SPRR2F: variants seen among roughly 807,000 people sequenced by gnomAD.
SPRR2F encodes the protein small proline rich protein 2F.
Under a neutral mutation model 0.8 loss-of-function variants are expected in SPRR2F, and 2 were observed. That is an observed-to-expected ratio of 2.52 (90% confidence interval 1.03 to 7.95). The LOEUF is 7.95. SPRR2F is among the 30% of genes most tolerant of loss of function. The pLI is 0.04. For missense variants in SPRR2F, 80 were observed against 85.8 expected (o/e 0.93, Z 0.27); for synonymous variants, 39 against 33.4 (o/e 1.17, Z -0.58).
Position 153,112,210 on chromosome 1 carries a change from A to T in SPRR2F, c.*305T>A, listed in dbSNP as rs1404677940. On this transcript the variant is annotated 3_prime_UTR_variant, in exon 2 of 2. Coordinates refer to ENST00000468739, the MANE Select transcript of SPRR2F (RefSeq NM_001014450.3). ...TCATGCCCAGGGGACAGACAGACACAGAAAACATCAACAGAATTCTCTAAT... is the reference window on the plus strand; with the variant it reads ...TCATGCCCAGGGGACAGACAGACACTGAAAACATCAACAGAATTCTCTAAT... The T allele has an allele frequency of 4.4e-6, 2 of 454,382 alleles. No homozygotes were observed. The highest frequency in any genetic ancestry group is 4.0e-5 in the African/African-American group (2 of 50,364). The allele number at this position is 454,382 out of a possible 1,614,324, so 28.1% of individuals were successfully genotyped here.
intron 1 of SPRR2F, 21 bp from the exon 2 acceptor site, chr1:153,112,773 G>C: frequency 3.1e-6 from 5 of 1,609,492 alleles, no homozygotes; most frequent in Non-Finnish European, 4.2e-6. Flanking sequence ...TTATATGACA[G>C]TGTTCACGGG....
At chr1:153,115,961 A>G (rs1476143769), upstream of SPRR2F, among the ~76,000 whole-genome samples, 2 of 152,206 alleles carry the variant, frequency 1.3e-5, no homozygotes, top group Non-Finnish European at 2.9e-5. Flanking sequence ...TCTTGATTCA[A>G]CTTCTATCTC....
chr1:153,118,775 T>C, the SPRR2F span, among the ~76,000 whole-genome samples: 1 of 152,138 alleles, frequency 6.6e-6, no homozygotes, highest in Non-Finnish European at 1.5e-5. Flanking sequence ...TGTATGTAGA[T>C]ATAAAGGTCT....
chr1:153,119,454 C>T, the SPRR2F span, among the ~76,000 whole-genome samples: 1 of 152,152 alleles, frequency 6.6e-6, no homozygotes, highest in African/African-American at 2.4e-5. Context: ...AGAAGATTAA[C>T]GTCAGAAGAT....
intron 1 of SPRR2F, among the ~76,000 whole-genome samples, chr1:153,113,058 G>A (rs1655637690): frequency 6.6e-6 from 1 of 152,044 alleles, no homozygotes; most frequent in Non-Finnish European, 1.5e-5. Context: ...CAGATACCCA[G>A]GGCTATCTCA....
At chr1:153,117,768 C>T (rs112772794), upstream of SPRR2F, among the ~76,000 whole-genome samples, 1 of 152,008 alleles carries the variant, frequency 6.6e-6, no homozygotes, top group African/African-American at 2.4e-5. Context: ...TGACACTTCT[C>T]CTCTTAAGAA....
rs2101630876 is a variant in SPRR2F, at chr1:153,112,408, C to A, written c.*107G>T. 1.3e-6 allele frequency: 2 copies of A among 1,510,316 alleles called. No homozygotes were observed. The highest frequency in any genetic ancestry group is 1.4e-5 in the African/African-American group (1 of 71,804). The allele number at this position is 1,510,316 out of a possible 1,614,324, so 93.6% of individuals were successfully genotyped here. A position where few individuals can be genotyped will look rare whatever the true frequency, so the allele number is the denominator to read the frequency against. On this transcript the variant is annotated 3_prime_UTR_variant, in exon 2 of 2. Coordinates refer to ENST00000468739, the MANE Select transcript of SPRR2F (RefSeq NM_001014450.3). ...ATCACAGGCTAAGAGGAAAGAAGCT[C>A]CCTGTGTATCCCTGGATGGCTTTGA...
chr1:153,114,298 A>G (rs555024374), upstream of SPRR2F, among the ~76,000 whole-genome samples: 7 of 152,074 alleles, frequency 4.6e-5, no homozygotes, highest in Non-Finnish European at 1.0e-4. Flanking sequence ...CAGTCTCCCC[A>G]GCACATTTGC....
chr1:153,116,983 T>A (rs1315217616), upstream of SPRR2F, among the ~76,000 whole-genome samples: 1 of 152,118 alleles, frequency 6.6e-6, no homozygotes, highest in Non-Finnish European at 1.5e-5. Context: ...CATTATGTAC[T>A]TAGACTTATG....
upstream of SPRR2F, among the ~76,000 whole-genome samples, chr1:153,116,802 G>A (rs1247915876): frequency 6.6e-6 from 1 of 151,978 alleles, no homozygotes; most frequent in Non-Finnish European, 1.5e-5. Context: ...CTATCTGAGA[G>A]CCAGAAAGAC....
At chr1:153,113,049 A>C (rs925418849) in intron 1 of SPRR2F, among the ~76,000 whole-genome samples, 5 of 152,158 alleles carry the variant, frequency 3.3e-5, no homozygotes, top group African/African-American at 1.2e-4. Context: ...TCACAAGTTC[A>C]GATACCCAGG....
chr1:153,119,092 A>G, the SPRR2F span, among the ~76,000 whole-genome samples: 2 of 152,224 alleles, frequency 1.3e-5, no homozygotes, highest in African/African-American at 2.4e-5. Context: ...AAATATCTAT[A>G]GAACATATAC....
chr1:153,119,426 T>C, the SPRR2F span, among the ~76,000 whole-genome samples: 2 of 152,222 alleles, frequency 1.3e-5, no homozygotes, highest in Non-Finnish European at 2.9e-5. Context: ...GGAGGATTTA[T>C]TGAATGCACT....
chr1:153,115,394 A>T (rs920556422), upstream of SPRR2F, among the ~76,000 whole-genome samples: 1 of 152,170 alleles, frequency 6.6e-6, no homozygotes, highest in African/African-American at 2.4e-5. Flanking sequence ...GCCAAATGAG[A>T]TCACTGTGTA....
upstream of SPRR2F, among the ~76,000 whole-genome samples, chr1:153,114,841 C>A (rs1571009787): frequency 6.6e-6 from 1 of 152,110 alleles, no homozygotes; most frequent in Non-Finnish European, 1.5e-5. Context: ...ACTCTTCCAG[C>A]AATTAGTGAG....
upstream of SPRR2F, chr1:153,113,527 A>G (rs1256615330): frequency 6.6e-6 from 1 of 152,294 alleles, no homozygotes; most frequent in African/African-American, 2.4e-5. Flanking sequence ...GGAGTCGTGC[A>G]GCAGAAAACC....
chr1:153,118,148 C>A (rs1476688387), upstream of SPRR2F, among the ~76,000 whole-genome samples: 1 of 152,006 alleles, frequency 6.6e-6, no homozygotes, highest in African/African-American at 2.4e-5. Context: ...TTATGATCCA[C>A]CAAGGTGTCC....
At chr1:153,114,528 G>T (rs1166394879), upstream of SPRR2F, among the ~76,000 whole-genome samples, 1 of 152,160 alleles carries the variant, frequency 6.6e-6, no homozygotes, top group Non-Finnish European at 1.5e-5. Flanking sequence ...AAGTAGGTTT[G>T]CAGAGTGGAG....
At position 153,112,354 on chromosome 1, in the gene SPRR2F, C is replaced by T. The variant is rs564909812; in HGVS notation, c.*161G>A. On this transcript the variant is annotated 3_prime_UTR_variant, in exon 2 of 2. Coordinates refer to ENST00000468739, the MANE Select transcript of SPRR2F (RefSeq NM_001014450.3). ...AGTATGGCAGCCTCAAAAAGAAAAC[C>T]TTTTGCTATCAGAGATCATCACAGG... The T allele has an allele frequency of 7.4e-6, 10 of 1,352,448 alleles. No homozygotes were observed. Among genetic ancestry groups the T allele is most frequent in the East Asian group, 2.4e-5 (1 of 42,164 alleles). 83.8% of individuals were successfully genotyped at this position (1,352,448 alleles called of 1,614,324 possible).
Sources: gnomAD v4.1 joint callset for allele counts (sites outside exome capture counted in the v4.1 genomes callset) on GRCh38, gnomAD v4.1.1 for gene constraint, MANE v1.5 for transcripts, NCBI Gene and HGNC (gene_info 2026-07-23, HGNC 2026-07-21) for gene names.